Variants in LNPK observed in about 807,000 individuals in gnomAD.
LNPK encodes lunapark, ER junction formation factor.
LNPK carries 29 observed loss-of-function variants against 55.2 expected under a neutral mutation model. The ratio of observed to expected loss-of-function variants is 0.53; its 90% CI spans 0.39 to 0.72. LNPK has a LOEUF of 0.72. Among genes scored for constraint, LNPK ranks in the 30% least tolerant of loss-of-function variants. The pLI is 0.00. For missense variants in LNPK, 467 were observed against 494.8 expected (o/e 0.94, Z 0.53); for synonymous variants, 162 against 168.2 (o/e 0.96, Z 0.29).
At chr2:175,990,722 C>A (rs1485350768) in intron 4 of LNPK, among the ~76,000 whole-genome samples, 1 of 152,088 alleles carries the variant, frequency 6.6e-6, no homozygotes, top group Non-Finnish European at 1.5e-5. Flanking sequence ...CAATGCTATT[C>A]TTTGTTGGAT....
chr2:175,997,561 A>G (rs979810838), intron 1 of LNPK, among the ~76,000 whole-genome samples: 2 of 152,124 alleles, frequency 1.3e-5, no homozygotes, highest in Non-Finnish European at 2.9e-5. Context: ...TTTGAAGTAG[A>G]ATTATATCCT....
intron 4 of LNPK, among the ~76,000 whole-genome samples, chr2:175,987,512 A>G (rs1180533434): frequency 2.6e-5 from 4 of 152,056 alleles, no homozygotes; most frequent in Non-Finnish European, 2.9e-5. Context: ...ATCACACACC[A>G]GGGCCTGTTG....
chr2:175,937,803 A>C (rs1684626634), intron 11 of LNPK: 1 of 226,310 alleles, frequency 4.4e-6, no homozygotes, highest in South Asian at 1.3e-4. Flanking sequence ...GAATAATATT[A>C]ATGATTTAAA....
intron 4 of LNPK, among the ~76,000 whole-genome samples, chr2:175,983,216 C>T (rs72912951): frequency 0.061 from 9,249 of 152,054 alleles, 326 homozygotes; most frequent in Admixed American, 0.12. Context: ...AGAGAGAAGG[C>T]AGGAATTAAA....
intron 4 of LNPK, among the ~76,000 whole-genome samples, 166 bp downstream of exon 4, chr2:175,992,065 T>C (rs1478540767): frequency 6.6e-6 from 1 of 152,172 alleles, no homozygotes; most frequent in East Asian, 1.9e-4. Flanking sequence ...AATGAAGGTT[T>C]AGAACAATTG....
intron 8 of LNPK, among the ~76,000 whole-genome samples, chr2:175,957,706 T>C (rs1054159065): frequency 7.2e-5 from 11 of 152,224 alleles, no homozygotes; most frequent in African/African-American, 2.4e-4. Context: ...CTGGGACTGG[T>C]TGGCCAGTGG....
chr2:175,941,682 T>C (rs912562639), intron 9 of LNPK, among the ~76,000 whole-genome samples: 4 of 151,226 alleles, frequency 2.6e-5, no homozygotes, highest in African/African-American at 7.3e-5. Flanking sequence ...TCCCAGCTAC[T>C]TGAGAGGCTG....
chr2:175,929,035 G>A lies in LNPK; in HGVS notation c.*932C>T. ...AATCTACAGATTTATTGTATTGTGA[G>A]CTATTCCTCCTAAGATTTTTCAGGT... On this transcript the variant is annotated 3_prime_UTR_variant, in exon 13 of 13. Transcript: ENST00000272748. 2 of 743,920 alleles carry A rather than the reference G, an allele frequency of 2.7e-6. No homozygotes were observed. The highest frequency in any genetic ancestry group is 3.3e-6 in the Non-Finnish European group (2 of 609,130). The allele number at this position is 743,920 out of a possible 1,614,324, so 46.1% of individuals were successfully genotyped here.
At chr2:175,994,295 A>T (rs1687835283) in intron 2 of LNPK, 3 of 982,846 alleles carry the variant, frequency 3.1e-6, no homozygotes, top group Non-Finnish European at 3.6e-6. Context: ...TATGAAAGAC[A>T]AAACAAGAAG....
At chr2:175,930,386 A>C (rs1195864030) in intron 12 of LNPK, among the ~76,000 whole-genome samples, 187 bp from the exon 13 acceptor site, 1 of 151,974 alleles carries the variant, frequency 6.6e-6, no homozygotes, top group Non-Finnish European at 1.5e-5. Context: ...CTCTCTTTAC[A>C]GTTAGTATGA....
In LNPK at chr2:175,926,564, C is replaced by A. The variant is rs1574787592; in HGVS notation, c.*3403G>T. 6.6e-6 allele frequency: 1 copy of A among 152,362 alleles called. No homozygotes were observed. Among genetic ancestry groups the A allele is most frequent in the East Asian group, 1.9e-4 (1 of 5,186 alleles). 9.4% of individuals were successfully genotyped at this position (152,362 alleles called of 1,614,324 possible). A position where few individuals can be genotyped will look rare whatever the true frequency, so the allele number is the denominator to read the frequency against. ...CCAAACGGACTTAAATACATACTCT[C>A]TCTACAACTCAGCTTTCTCTTCTAG... On this transcript the variant is annotated 3_prime_UTR_variant, in exon 13 of 13. Transcript: ENST00000272748.
At position 175,947,598 on chromosome 2, in the gene LNPK, T is replaced by C. The variant is rs754979406; in HGVS notation, c.588A>G (p.Gly196=). 1.9e-6 allele frequency: 3 copies of C among 1,613,982 alleles called. No homozygotes were observed. Among genetic ancestry groups the C allele is most frequent in the Non-Finnish European group, 2.5e-6 (3 of 1,179,908 alleles). ...CAGGGGCAGAACTGTCCTTTGGTGG[T>C]CCAGGAGATACTGGAACTTGTGGAG... ...GPPPQVPVSP[G]PPKDSSAPGG... The change falls in exon 9 of 13, where the codon GGA becomes GGG. Residue 196 remains glycine (G), a synonymous_variant. Coordinates refer to ENST00000272748, the MANE Select transcript of LNPK (RefSeq NM_030650.3).
intron 9 of LNPK, among the ~76,000 whole-genome samples, chr2:175,944,490 G>A (rs1380779854): frequency 6.6e-6 from 1 of 152,004 alleles, no homozygotes; most frequent in Non-Finnish European, 1.5e-5. Context: ...CTATTTGCAG[G>A]AGATACTCTG....
intron 12 of LNPK, among the ~76,000 whole-genome samples, chr2:175,930,470 C>T (rs1007781765): frequency 6.6e-6 from 1 of 151,844 alleles, no homozygotes. Flanking sequence ...TATTTTCATA[C>T]AAAATAAGTT....
intron 4 of LNPK, among the ~76,000 whole-genome samples, chr2:175,987,686 AAT>A (rs1432422269): frequency 2.6e-5 from 4 of 151,988 alleles, no homozygotes; most frequent in African/African-American, 4.8e-5. Context: ...AAAAAAAAAA[AAT>A]CACTACATTC....
intron 4 of LNPK, among the ~76,000 whole-genome samples, chr2:175,990,651 C>A (rs1574899291): frequency 6.6e-6 from 1 of 152,170 alleles, no homozygotes; most frequent in East Asian, 1.9e-4. Context: ...TTCTTTTTAC[C>A]ACAACATCCA....
Position 175,929,704 on chromosome 2 carries a change from T to A in LNPK, c.*263A>T, listed in dbSNP as rs1352299805. ...CAATCATGTTTGCTTACTTTTAGAA[T>A]GGACAAAAAAGTATCTAAAAGCTGT... On this transcript the variant is annotated 3_prime_UTR_variant, in exon 13 of 13. Coordinates refer to ENST00000272748, the MANE Select transcript of LNPK (RefSeq NM_030650.3). 5 of 1,272,964 alleles carry A rather than the reference T, an allele frequency of 3.9e-6. No individual in the cohort carries two copies. In the South Asian group the frequency reaches 9.9e-5, roughly 25 times the overall value. 78.9% of individuals were successfully genotyped at this position (1,272,964 alleles called of 1,614,324 possible).
At chr2:175,977,086 G>A (rs991069118) in intron 5 of LNPK, among the ~76,000 whole-genome samples, 8 of 152,120 alleles carry the variant, frequency 5.3e-5, no homozygotes, top group African/African-American at 1.9e-4. Flanking sequence ...CTTATGAGAT[G>A]CCTACTAAAC....
rs1218551861 is a variant in LNPK, at chr2:175,967,531, T to A, written c.358-2942A>T. On this transcript the variant is annotated intron_variant, in intron 6 of 12. Transcript: ENST00000272748. ...AATTTCCCTAACCAATATTTACTCA[T>A]GAAAAATATTCCAGATGTAAGAAAA... The A allele has an allele frequency of 1.1e-5, 5 of 459,068 alleles. No individual in the cohort carries two copies. The East Asian group carries it at 6.2e-4, about 57-fold the overall frequency. The allele number at this position is 459,068 out of a possible 1,614,324, so 28.4% of individuals were successfully genotyped here. A position where few individuals can be genotyped will look rare whatever the true frequency, so the allele number is the denominator to read the frequency against.
Sources: allele counts gnomAD v4.1 joint callset (sites outside exome capture counted in the v4.1 genomes callset), GRCh38; gene constraint gnomAD v4.1.1; transcripts MANE v1.5; gene names NCBI Gene and HGNC (gene_info 2026-07-23, HGNC 2026-07-21).